Variants in RIBC2 observed in about 807,000 individuals in gnomAD.
RIBC2 encodes RIB43A-like with coiled-coils protein 2.
RIBC2 carries 40 observed loss-of-function variants against 44.3 expected under a neutral mutation model. The ratio of observed to expected loss-of-function variants is 0.90; its 90% CI spans 0.70 to 1.18. RIBC2 has a LOEUF of 1.18. Among genes scored for constraint, RIBC2 ranks in the 50% most tolerant of loss-of-function variants. The probability of loss-of-function intolerance (pLI) is 0.00; values close to 1 mark genes in which losing one functional copy is unlikely to be tolerated. For missense variants in RIBC2, 459 were observed against 485.5 expected (o/e 0.95, Z 0.51); for synonymous variants, 171 against 175.0 (o/e 0.98, Z 0.18).
chr22:45,427,697 C>T (rs910625570), intron 5 of RIBC2, among the ~76,000 whole-genome samples: 2 of 152,352 alleles, frequency 1.3e-5, no homozygotes, highest in South Asian at 4.1e-4. Flanking sequence ...TGCAGTCATG[C>T]AGTCTCGGCC....
In RIBC2 at chr22:45,429,839, G is replaced by A. The variant is rs532392251; in HGVS notation, c.904-1061G>A. Among the ~76,000 whole-genome samples, 4 of 152,222 alleles carry A rather than the reference G, an allele frequency of 2.6e-5. 1 individual carries two copies. In the South Asian group the frequency reaches 8.3e-4, roughly 32 times the overall value. On this transcript the variant is annotated intron_variant, in intron 5 of 6. Transcript: ENST00000614167. ...AAGAAGACAGAAAAGCACAAAGGGG[G>A]AAAAACACACATGAAACCTCCCCAC...
rs1022478 is a variant in RIBC2 at position 45,426,076 on chromosome 22, C to G, written c.804C>G (p.Phe268Leu). The G allele has an allele frequency of 0.36, 581,649 of 1,613,498 alleles. 115,103 individuals carry two copies. Among genetic ancestry groups the G allele is most frequent in the African/African-American group, 0.76 (57,166 of 74,984 alleles). Residue 268 changes from phenylalanine (F) to leucine (L), a missense_variant, in exon 5 of 7, where the codon TTC becomes TTG. By Grantham distance (22) the Phe-to-Leu change is conservative. Transcript: ENST00000614167. Reference protein sequence around the residue: ...SENPQQAASSFGPHRVVPDRW... With the variant: ...SENPQQAASSLGPHRVVPDRW... ...ACCCGCAGCAGGCAGCCAGCTCCTTCGGGCCCCACCGCGTGGTCCCTGACC... is the reference window on the plus strand; with the variant it reads ...ACCCGCAGCAGGCAGCCAGCTCCTTGGGGCCCCACCGCGTGGTCCCTGACC...
intron 4 of RIBC2, among the ~76,000 whole-genome samples, chr22:45,423,653 G>C (rs551027463): frequency 6.6e-6 from 1 of 152,306 alleles, no homozygotes; most frequent in African/African-American, 2.4e-5. Flanking sequence ...AGACACCAGA[G>C]AATGTGGGTT....
chr22:45,420,575 C>G lies in RIBC2; in HGVS notation c.557-1715C>G, dbSNP rs117236281. Among the ~76,000 whole-genome samples the G allele has an allele frequency of 2.7e-3, 407 of 152,284 alleles. 10 individuals are homozygous for G. In the East Asian group the frequency reaches 0.068, roughly 26 times the overall value. ...TCTCACAGGACCCTTCACAACATGT[C>G]GGAAAGCAGCCCTGGATCCTCTTCT... is the stretch of plus-strand genomic sequence containing the variant. On this transcript the variant is annotated intron_variant, in intron 3 of 6. Coordinates refer to ENST00000614167, the MANE Select transcript of RIBC2 (RefSeq NM_015653.5).
chr22:45,416,425 G>A (rs947752465), intron 2 of RIBC2, among the ~76,000 whole-genome samples: 4 of 152,110 alleles, frequency 2.6e-5, no homozygotes, highest in African/African-American at 7.2e-5. Context: ...AGTGTACCAA[G>A]TTACACTCCT....
intron 4 of RIBC2, among the ~76,000 whole-genome samples, chr22:45,424,956 A>T (rs1265655223): frequency 6.6e-6 from 1 of 151,726 alleles, no homozygotes; most frequent in Non-Finnish European, 1.5e-5. Context: ...GGGTTTCACC[A>T]TGTTGGCCAG....
chr22:45,421,476 G>A (rs980670509), intron 3 of RIBC2, among the ~76,000 whole-genome samples: 21 of 143,124 alleles, frequency 1.5e-4, no homozygotes, highest in African/African-American at 5.4e-4. Flanking sequence ...TAATGCACTT[G>A]GATGTCTAAT....
chr22:45,424,410 C>A lies in RIBC2; in HGVS notation c.676-1538C>A, dbSNP rs2146884820. ...ACACGGGGTGCAGACCAGGCTCTGC[C>A]CTGCAGCCTTGGGCAGGCCACCCAC... On this transcript the variant is annotated intron_variant, in intron 4 of 6. Coordinates refer to ENST00000614167, the MANE Select transcript of RIBC2 (RefSeq NM_015653.5). Among the ~76,000 whole-genome samples the A allele has an allele frequency of 1.3e-5, 2 of 152,330 alleles. 1 individual carries two copies. The highest frequency in any genetic ancestry group is 6.8e-3 in the Middle Eastern group (2 of 294).
rs1327805431 is a variant in RIBC2 at position 45,431,018 on chromosome 22, G to C, written c.1022G>C (p.Arg341Thr). Residue 341 changes from arginine (R) to threonine (T), a missense_variant, in exon 6 of 7, where the codon AGA becomes ACA. By Grantham distance (71) the Arg-to-Thr change is moderately conservative. Coordinates refer to ENST00000614167, the MANE Select transcript of RIBC2 (RefSeq NM_015653.5). ...TGGCGGCGGCAGCGCGACCTGCGCA[G>C]AGCTCTGGACAGCAGCAACCTCAGC... ...QQWRRQRDLR[R>T]ALDSSNLSLA... The C allele has an allele frequency of 1.9e-6, 3 of 1,588,760 alleles. No individual in the cohort carries two copies. In the South Asian group the frequency reaches 3.4e-5, roughly 18 times the overall value.
intron 6 of RIBC2, among the ~76,000 whole-genome samples, chr22:45,431,608 A>G (rs1051246147): frequency 1.3e-5 from 2 of 152,066 alleles, no homozygotes; most frequent in Non-Finnish European, 2.9e-5. Flanking sequence ...ATTTTCTCCA[A>G]TCCGATATCT....
intron 3 of RIBC2, among the ~76,000 whole-genome samples, chr22:45,421,280 C>T (rs1004919174): frequency 4.7e-5 from 7 of 147,838 alleles, no homozygotes; most frequent in African/African-American, 1.0e-4. Context: ...GGCAACAGAG[C>T]GAGACTCCAT....
Position 45,430,900 on chromosome 22 carries a change from A to T in RIBC2, c.904A>T (p.Arg302Trp), listed in dbSNP as rs1186254256. The change falls in exon 6 of 7, where the codon AGG (arginine) becomes TGG (tryptophan). Residue 302 changes from arginine (R) to tryptophan (W), a missense_variant and splice_region_variant. Transcript: ENST00000614167. Reference sequence around the variant, plus strand: ...GGTGAGCCGCCTCTTTTCCTTCCAGAGGCTCCAGGAAGAAAAGCGCCAGCG... The same window carrying T: ...GGTGAGCCGCCTCTTTTCCTTCCAGTGGCTCCAGGAAGAAAAGCGCCAGCG... The part of the protein sequence containing the change: ...VQKQQIQEKL[R>W]LQEEKRQRDL... 1 of 1,577,020 alleles carries T rather than the reference A, an allele frequency of 6.3e-7. No individual in the cohort carries two copies. Among genetic ancestry groups the T allele is most frequent in the African/African-American group, 1.4e-5 (1 of 73,298 alleles).
In RIBC2 at chr22:45,417,749, C is replaced by A. The variant is rs147034880; in HGVS notation, c.359C>A (p.Pro120His). 2.5e-6 allele frequency: 4 copies of A among 1,614,106 alleles called. No individual in the cohort carries two copies. Among genetic ancestry groups the A allele is most frequent in the Non-Finnish European group, 8.5e-7 (1 of 1,180,022 alleles). ...CGCCGTGAATTTGATCTGTCCGACCCCCTAGCCCTTAAGAAAGATCTTCCA... is the reference window on the plus strand; with the variant it reads ...CGCCGTGAATTTGATCTGTCCGACCACCTAGCCCTTAAGAAAGATCTTCCA... ...ETRREFDLSD[P>H]LALKKDLPAR... Residue 120 changes from proline (P) to histidine (H), a missense_variant, in exon 3 of 7, where the codon CCC becomes CAC. Transcript: ENST00000614167.
chr22:45,432,220 A>G, intron 6 of RIBC2, 64 bp from the exon 7 acceptor site: 2 of 935,494 alleles, frequency 2.1e-6, no homozygotes, highest in Non-Finnish European at 3.3e-6. Context: ...TCAAAAAAAA[A>G]AAAAAGAAAG....
rs1404981177 is a variant in RIBC2 at position 45,417,796 on chromosome 22, GT to G, written c.408del (p.Arg137GlyfsTer15). On this transcript the variant is annotated frameshift_variant, in exon 3 of 7. Transcript: ENST00000614167. LOFTEE classifies it high-confidence loss of function. The part of the protein sequence containing the change: ...DLPARQSDND[V>X]RNTISGMQKF... Reference sequence around the variant, plus strand: ...TCCAGCCCGGCAGTCAGATAATGATGTTCGGAATACGATATCAGGAATGCAG... The same window carrying G: ...TCCAGCCCGGCAGTCAGATAATGATGTCGGAATACGATATCAGGAATGCAG... 4.3e-6 allele frequency: 7 copies of G among 1,613,968 alleles called. No individual in the cohort carries two copies. In the Admixed American group the frequency reaches 8.3e-5, roughly 19 times the overall value.
intron 5 of RIBC2, among the ~76,000 whole-genome samples, chr22:45,427,127 C>T (rs1161493675): frequency 2.0e-5 from 3 of 152,152 alleles, no homozygotes; most frequent in Non-Finnish European, 4.4e-5. Context: ...ATTACATTTG[C>T]CTGAATGTGG....
intron 2 of RIBC2, 85 bp downstream of exon 2, chr22:45,414,488 C>CTT: frequency 1.8e-4 from 126 of 699,872 alleles, no homozygotes; most frequent in Middle Eastern, 8.9e-4. Context: ...CCTGCCCCGC[C>CTT]TTTTTTTTTT....
intron 2 of RIBC2, 49 bp from the exon 3 acceptor site, chr22:45,417,553 A>AT (rs11320557): frequency 5.1e-5 from 70 of 1,375,888 alleles, no homozygotes; most frequent in Non-Finnish European, 6.6e-5. Flanking sequence ...ATTCAAATTT[A>AT]TTTTTTCCTC....
intron 5 of RIBC2, among the ~76,000 whole-genome samples, chr22:45,428,172 C>T (rs2087550134): frequency 6.6e-6 from 1 of 152,214 alleles, no homozygotes; most frequent in Non-Finnish European, 1.5e-5. Context: ...CTGGATCCAG[C>T]ACCATGGCAG....
Sources: gnomAD v4.1 joint callset for allele counts (sites outside exome capture counted in the v4.1 genomes callset) on GRCh38, gnomAD v4.1.1 for gene constraint, MANE v1.5 for transcripts, NCBI Gene and HGNC (gene_info 2026-07-23, HGNC 2026-07-21) for gene names.